Variants in CYP4F22 observed in about 807,000 individuals in gnomAD.
The protein encoded by CYP4F22 is cytochrome P450 family 4 subfamily F member 22.
A neutral mutation model predicts 60.4 loss-of-function variants in CYP4F22; 37 were observed. The observed-to-expected ratio is 0.61, with a 90% CI of 0.47 to 0.81. The LOEUF (loss-of-function observed/expected upper bound fraction) is 0.81, where lower values mean the gene tolerates loss of function less well. Ranked by LOEUF, CYP4F22 falls within the 30% of genes least tolerant of loss-of-function variation. The pLI, the probability that CYP4F22 is intolerant of heterozygous loss-of-function variation, is 0.00. For synonymous variants in CYP4F22, 258 were observed against 280.5 expected (o/e 0.92, Z 0.80); for missense variants, 655 against 715.0 (o/e 0.92, Z 0.96).
chr19:15,520,168 C>A (rs1402296917), intron 1 of CYP4F22, among the ~76,000 whole-genome samples: 1 of 151,860 alleles, frequency 6.6e-6, no homozygotes, highest in Non-Finnish European at 1.5e-5. Context: ...CACGGTGAAA[C>A]CCCGTCTCTA....
chr19:15,550,893 A>C, intron 13 of CYP4F22, 137 bp downstream of exon 13: 6 of 1,014,106 alleles, frequency 5.9e-6, no homozygotes, highest in Non-Finnish European at 9.1e-6. Context: ...CCTCTCCCCA[A>C]TGCGCCAGGA....
intron 1 of CYP4F22, among the ~76,000 whole-genome samples, chr19:15,514,834 G>A (rs528432544): frequency 6.6e-6 from 1 of 152,308 alleles, no homozygotes; most frequent in Non-Finnish European, 1.5e-5. Context: ...ACTGCAGGAA[G>A]TGGTGGGGCC....
At chr19:15,511,670 G>A (rs1971093816) in intron 1 of CYP4F22, among the ~76,000 whole-genome samples, 1 of 152,132 alleles carries the variant, frequency 6.6e-6, no homozygotes, top group Non-Finnish European at 1.5e-5. Context: ...AGGAGGGCTG[G>A]GATTTGGGGT....
intron 7 of CYP4F22, among the ~76,000 whole-genome samples, chr19:15,538,483 C>T (rs1411319478): frequency 6.6e-6 from 1 of 152,184 alleles, no homozygotes; most frequent in Non-Finnish European, 1.5e-5. Flanking sequence ...ATAACCAATG[C>T]CTTGCTTCAT....
chr19:15,533,026 G>T (rs775072108), intron 4 of CYP4F22, among the ~76,000 whole-genome samples: 1 of 152,134 alleles, frequency 6.6e-6, no homozygotes, highest in Non-Finnish European at 1.5e-5. Flanking sequence ...GGACCTCCTG[G>T]GGCCACACCT....
chr19:15,545,242 A>G (rs994964214), intron 10 of CYP4F22, among the ~76,000 whole-genome samples: 1 of 152,232 alleles, frequency 6.6e-6, no homozygotes, highest in African/African-American at 2.4e-5. Context: ...ATCATATGAC[A>G]AAGGGTACAG....
rs377611165 is a variant in CYP4F22 at position 15,529,757 on chromosome 19, A to C, written c.271A>C (p.Asn91His). The change falls in exon 4 of 14, where the codon AAC (asparagine) becomes CAC (histidine). Residue 91 changes from asparagine (N) to histidine (H), a missense_variant. Physicochemically the swap from Asn to His is moderately conservative, Grantham distance 68. Transcript: ENST00000269703. The part of the protein sequence containing the change: ...GLQDEKKVLD[N>H]MHHVLLVWMG... ...TCAAGATGAGAAGAAGGTACTGGAC[A>C]ACATGCACCATGTACTCTTGGTATG... 5.6e-6 allele frequency: 9 copies of C among 1,613,974 alleles called. No individual in the cohort carries two copies. Among genetic ancestry groups the C allele is most frequent in the African/African-American group, 1.3e-5 (1 of 74,880 alleles).
rs796912621 is a variant in CYP4F22 at position 15,509,892 on chromosome 19, C to T, written c.-109+1309C>T. On this transcript the variant is annotated intron_variant, in intron 1 of 13. Transcript: ENST00000269703. Reference sequence around the variant, plus strand: ...TCCTTCCTTCCTTCCTTCCTTCCTTCCTTCCTTCCTTCCTTTCTTTCTTTC... The same window carrying T: ...TCCTTCCTTCCTTCCTTCCTTCCTTTCTTCCTTCCTTCCTTTCTTTCTTTC... Among the ~76,000 whole-genome samples, 736 of 102,462 alleles carry T rather than the reference C, an allele frequency of 7.2e-3. 9 individuals are homozygous for T. Among genetic ancestry groups the T allele is most frequent in the Admixed American group, 0.022 (195 of 8,934 alleles). The allele number at this position is 102,462 out of a possible 152,430, so 67.2% of individuals were successfully genotyped here.
rs1167862844 is a variant in CYP4F22 at position 15,529,690 on chromosome 19, C to G, written c.223-19C>G. The G allele has an allele frequency of 6.2e-7, 1 of 1,613,838 alleles. No individual in the cohort carries two copies. The highest frequency in any genetic ancestry group is 8.5e-7 in the Non-Finnish European group (1 of 1,179,922). The stretch of plus-strand genomic sequence containing the variant: ...TGGGGCTGGGTACCTCCTCATTGCT[C>G]CTCCCTTACCTCTTGCAGTACCTTC... On this transcript the variant is annotated intron_variant, in intron 3 of 13. Transcript: ENST00000269703.
intron 1 of CYP4F22, among the ~76,000 whole-genome samples, chr19:15,509,709 C>T (rs145200171): frequency 0.025 from 3,743 of 152,210 alleles, 76 homozygotes; most frequent in Middle Eastern, 0.075. Flanking sequence ...GTCCACTTTC[C>T]GATGTCCCCG....
chr19:15,544,488 T>G (rs1045352284), intron 10 of CYP4F22, among the ~76,000 whole-genome samples: 3 of 152,212 alleles, frequency 2.0e-5, no homozygotes, highest in Non-Finnish European at 1.5e-5. Flanking sequence ...TAGTCAGCAA[T>G]TATTGCAATG....
At chr19:15,531,455 G>A (rs182110502) in intron 4 of CYP4F22, among the ~76,000 whole-genome samples, 65 of 150,968 alleles carry the variant, frequency 4.3e-4, no homozygotes, top group Admixed American at 1.6e-3. Context: ...CTACAAACAC[G>A]CATCTGGGGA....
intron 1 of CYP4F22, among the ~76,000 whole-genome samples, chr19:15,514,822 G>A (rs1165467347): frequency 1.3e-5 from 2 of 152,154 alleles, no homozygotes; most frequent in East Asian, 1.9e-4. Context: ...GATGGTGTGG[G>A]CACTGCAGGA....
chr19:15,508,787 G>C (rs770612120), intron 1 of CYP4F22, among the ~76,000 whole-genome samples: 14 of 152,062 alleles, frequency 9.2e-5, no homozygotes, highest in Non-Finnish European at 1.9e-4. Context: ...AGGGGCACGT[G>C]GGTGTGTCCC....
At chr19:15,509,473 C>T (rs1055604471) in intron 1 of CYP4F22, among the ~76,000 whole-genome samples, 2 of 152,178 alleles carry the variant, frequency 1.3e-5, no homozygotes, top group African/African-American at 4.8e-5. Flanking sequence ...CCCCTTATTT[C>T]TAGGTCCTGG....
chr19:15,518,362 C>T (rs576584127), intron 1 of CYP4F22, among the ~76,000 whole-genome samples: 25 of 151,508 alleles, frequency 1.7e-4, no homozygotes, highest in Admixed American at 4.0e-4. Context: ...GATAAAAGGC[C>T]GGGCACGGTG....
At chr19:15,535,193 C>A (rs1314290178) in intron 4 of CYP4F22, among the ~76,000 whole-genome samples, 1 of 152,156 alleles carries the variant, frequency 6.6e-6, no homozygotes, top group Non-Finnish European at 1.5e-5. Flanking sequence ...TTTTTCTGAG[C>A]CTTCCTTAGC....
At chr19:15,537,242 A>G (rs958367611) in intron 4 of CYP4F22, 119 bp from the exon 5 acceptor site, 27 of 1,320,082 alleles carry the variant, frequency 2.0e-5, no homozygotes, top group Non-Finnish European at 2.5e-5. Flanking sequence ...CGGAGGTTGC[A>G]GTGAGTGGAG....
Position 15,540,636 on chromosome 19 carries a change from G to A in CYP4F22, c.858G>A (p.Leu286=), listed in dbSNP as rs1971447917. 1 of 1,614,258 alleles carries A rather than the reference G, an allele frequency of 6.2e-7. No individual in the cohort carries two copies. Among genetic ancestry groups the A allele is most frequent in the Non-Finnish European group, 8.5e-7 (1 of 1,180,054 alleles). Residue 286 remains leucine, a synonymous_variant, in exon 8 of 14, where the codon CTG becomes CTA. Transcript: ENST00000269703. The part of the protein sequence containing the change: ...TEVIQERRRA[L]RQQGAEAWLK... ...TCATCCAGGAACGGCGGCGGGCACT[G>A]CGTCAGCAGGGGGCCGAGGCCTGGC...
Sources: gnomAD v4.1 joint callset for allele counts (sites outside exome capture counted in the v4.1 genomes callset) on GRCh38, gnomAD v4.1.1 for gene constraint, MANE v1.5 for transcripts, NCBI Gene and HGNC (gene_info 2026-07-23, HGNC 2026-07-21) for gene names.